Variants in CCNI observed in about 807,000 individuals in gnomAD.
The protein encoded by CCNI is cyclin-I.
CCNI carries 14 observed loss-of-function variants against 34.1 expected under a neutral mutation model. The observed-to-expected ratio is 0.41, with a 90% CI of 0.27 to 0.64. CCNI has a LOEUF of 0.64. Among genes scored for constraint, CCNI ranks in the 30% least tolerant of loss-of-function variants. CCNI has a pLI of 0.31. For missense variants in CCNI, 385 were observed against 440.5 expected (o/e 0.87, Z 1.13); for synonymous variants, 154 against 158.4 (o/e 0.97, Z 0.21).
chr4:77,050,062 T>TC (rs1727722607), intron 6 of CCNI, among the ~76,000 whole-genome samples: 1 of 152,172 alleles, frequency 6.6e-6, no homozygotes, highest in South Asian at 2.1e-4. Context: ...TAGCCTTATT[T>TC]CCTAGCATAC....
intron 2 of CCNI, among the ~76,000 whole-genome samples, chr4:77,064,101 G>A (rs1728831465): frequency 6.6e-6 from 1 of 152,042 alleles, no homozygotes; most frequent in Non-Finnish European, 1.5e-5. Context: ...AATTAGCCAG[G>A]TATGGTGGCG....
chr4:77,056,347 G>T, intron 3 of CCNI, 24 bp from the exon 4 acceptor site: 6 of 1,547,450 alleles, frequency 3.9e-6, no homozygotes, highest in Non-Finnish European at 5.3e-6. Flanking sequence ...GAGGGAAAAA[G>T]CAACTTTAGT....
intron 1 of CCNI, among the ~76,000 whole-genome samples, chr4:77,067,779 G>A (rs1424501956): frequency 1.6e-5 from 2 of 128,648 alleles, no homozygotes; most frequent in Non-Finnish European, 3.1e-5. Flanking sequence ...CACCGTGCAG[G>A]CTTCTAGGTT....
At chr4:77,048,814 C>T in intron 6 of CCNI, 152 bp from the exon 7 acceptor site, 2 of 476,348 alleles carry the variant, frequency 4.2e-6, no homozygotes, top group South Asian at 1.2e-4. Context: ...ATTTATTTAT[C>T]CAGCTACCCA....
At chr4:77,055,933 A>G (rs1728189899) in intron 5 of CCNI, 29 bp downstream of exon 5, 1 of 1,562,882 alleles carries the variant, frequency 6.4e-7, no homozygotes, top group Non-Finnish European at 8.7e-7. Context: ...CACTCAAATA[A>G]GAAACTAAAA....
chr4:77,064,557 A>G (rs920202285), intron 2 of CCNI, among the ~76,000 whole-genome samples: 16 of 148,930 alleles, frequency 1.1e-4, no homozygotes, highest in African/African-American at 3.5e-4. Flanking sequence ...ATTCCCAACT[A>G]ATCTAAAAAT....
chr4:77,061,125 A>G (rs1170395376), intron 2 of CCNI, among the ~76,000 whole-genome samples: 4 of 152,218 alleles, frequency 2.6e-5, no homozygotes, highest in Admixed American at 2.0e-4. Flanking sequence ...CAATGTTATC[A>G]TCACTAGCCA....
chr4:77,048,540 G>C lies in CCNI; in HGVS notation c.813C>G (p.Thr271=). 3 of 1,613,830 alleles carry C rather than the reference G, an allele frequency of 1.9e-6. No individual in the cohort carries two copies. Among genetic ancestry groups the C allele is most frequent in the Non-Finnish European group, 2.5e-6 (3 of 1,179,810 alleles). Reference sequence around the variant, plus strand: ...GTAATCTGAACACTCCTTTGTCACAGGTCACCAGGGTGTGCTTGAGGGGAC... The same window carrying C: ...GTAATCTGAACACTCCTTTGTCACACGTCACCAGGGTGTGCTTGAGGGGAC... ...VYRPLKHTLV[T]CDKGVFRLHP... The change falls in exon 7 of 7, where the codon ACC becomes ACG. Residue 271 remains threonine (T), a synonymous_variant. Coordinates refer to ENST00000237654, the MANE Select transcript of CCNI (RefSeq NM_006835.3).
intron 3 of CCNI, chr4:77,056,586 C>CTTTTT (rs35437385): frequency 1.9e-5 from 3 of 161,446 alleles, no homozygotes; most frequent in African/African-American, 3.2e-5. Flanking sequence ...CTAGAGCTAA[C>CTTTTT]TTTTTTTTTT....
At chr4:77,050,182 G>A (rs1328148007) in intron 6 of CCNI, among the ~76,000 whole-genome samples, 1 of 151,992 alleles carries the variant, frequency 6.6e-6, no homozygotes, top group Non-Finnish European at 1.5e-5. Flanking sequence ...TGTTGAAATT[G>A]TATTGCGCAT....
chr4:77,054,229 T>C (rs1229780451), intron 6 of CCNI, among the ~76,000 whole-genome samples: 2 of 152,242 alleles, frequency 1.3e-5, no homozygotes, highest in African/African-American at 2.4e-5. Flanking sequence ...TTTTCTTTTA[T>C]AATAATCTAA....
At chr4:77,074,784 T>C (rs1003659623) in intron 1 of CCNI, 2 of 152,210 alleles carry the variant, frequency 1.3e-5, no homozygotes, top group Admixed American at 6.5e-5. Context: ...TCTGAATCCA[T>C]CCTACCTCCC....
intron 6 of CCNI, among the ~76,000 whole-genome samples, chr4:77,053,845 A>C (rs1365865093): frequency 6.6e-6 from 1 of 152,204 alleles, no homozygotes; most frequent in Non-Finnish European, 1.5e-5. Flanking sequence ...TTATTCATTT[A>C]AATGGTGGTT....
intron 2 of CCNI, chr4:77,066,026 G>A (rs185669217): frequency 4.8e-5 from 20 of 414,512 alleles, no homozygotes; most frequent in Non-Finnish European, 7.4e-5. Flanking sequence ...GCTTGAGCCC[G>A]GGAGGCAGGG....
Position 77,075,583 on chromosome 4 carries a change from A to C in CCNI, c.-155T>G, listed in dbSNP as rs1326060682. On this transcript the variant is annotated 5_prime_UTR_variant, in exon 1 of 7. Coordinates refer to ENST00000237654, the MANE Select transcript of CCNI (RefSeq NM_006835.3). ...CCACCTCATTCTCATAGGCGCGCGG[A>C]GGCGGTGCGCGCGGGACGACTCGGC... is the stretch of plus-strand genomic sequence containing the variant. 2 of 988,068 alleles carry C rather than the reference A, an allele frequency of 2.0e-6. No homozygotes were observed. The highest frequency in any genetic ancestry group is 2.3e-4 in the East Asian group (2 of 8,780). 61.2% of individuals were successfully genotyped at this position (988,068 alleles called of 1,614,324 possible). A position where few individuals can be genotyped will look rare whatever the true frequency, so the allele number is the denominator to read the frequency against.
Position 77,048,443 on chromosome 4 carries a change from C to T in CCNI, c.910G>A (p.Ala304Thr). Reference sequence around the variant, plus strand: ...GCTGGGAGATGATGGTAAAAGGCTGCTGTACCTCTGACTGGCACTTCTGGC... The same window carrying T: ...GCTGGGAGATGATGGTAAAAGGCTGTTGTACCTCTGACTGGCACTTCTGGC... ...SKPEVPVRGT[A>T]AFYHHLPAAS... Residue 304 changes from alanine (A) to threonine (T), a missense_variant, in exon 7 of 7, where the codon GCA (alanine) becomes ACA (threonine). Ala to Thr is a moderately conservative substitution (Grantham distance 58). Transcript: ENST00000237654. 1.2e-6 allele frequency: 2 copies of T among 1,614,144 alleles called. No individual in the cohort carries two copies. The highest frequency in any genetic ancestry group is 1.1e-5 in the South Asian group (1 of 91,086).
intron 5 of CCNI, among the ~76,000 whole-genome samples, chr4:77,055,744 G>A (rs1250751947): frequency 6.6e-6 from 1 of 152,184 alleles, no homozygotes; most frequent in Non-Finnish European, 1.5e-5. Context: ...TGGGATTACA[G>A]GCGTGAGCCA....
At chr4:77,074,743 CAT>C (rs1028810626) in intron 1 of CCNI, 7 of 152,212 alleles carry the variant, frequency 4.6e-5, no homozygotes, top group Non-Finnish European at 1.0e-4. Context: ...CAGAATAAAA[CAT>C]AAACATTTTA....
intron 1 of CCNI, 22 bp from the exon 2 acceptor site, chr4:77,066,427 A>T (rs1364551301): frequency 2.5e-6 from 4 of 1,584,722 alleles, no homozygotes; most frequent in Non-Finnish European, 3.4e-6. Context: ...AGTAAGTTTT[A>T]AAATTAGTTA....
Sources: allele counts gnomAD v4.1 joint callset (sites outside exome capture counted in the v4.1 genomes callset), GRCh38; gene constraint gnomAD v4.1.1; transcripts MANE v1.5; gene names NCBI Gene and HGNC (gene_info 2026-07-23, HGNC 2026-07-21).